The following CDH23 variants were observed in gnomAD, a reference collection of about 807,000 sequenced individuals.
The protein encoded by CDH23 is cadherin related 23.
In CDH23, 189 loss-of-function variants were observed where a neutral mutation model predicts 317.1. That is an observed-to-expected ratio of 0.60 (90% CI 0.53 to 0.67). The LOEUF is 0.67. Among genes scored for constraint, CDH23 ranks in the 30% least tolerant of loss-of-function variants. CDH23 has a pLI of 0.00. For synonymous variants in CDH23, 1,839 were observed against 1,876.8 expected, an observed-to-expected ratio of 0.98 and a Z score of 0.52; for missense variants, 4,401 against 4,592.4, an observed-to-expected ratio of 0.96 and a Z score of 1.20.
intron 6 of CDH23, among the ~76,000 whole-genome samples, chr10:71,557,825 T>A (rs930070855): frequency 6.6e-6 from 1 of 152,180 alleles, no homozygotes; most frequent in Non-Finnish European, 1.5e-5. Context: ...CAGGATTTTT[T>A]AAAAATAATC....
chr10:71,583,963 G>T (rs12268520), intron 9 of CDH23, among the ~76,000 whole-genome samples: 10 of 151,910 alleles, frequency 6.6e-5, no homozygotes, highest in African/African-American at 1.4e-4. Context: ...CCCCAGAGCA[G>T]CAGCATCAGC....
chr10:71,813,130 C>A, intron 68 of CDH23, 114 bp from the exon 69 acceptor site: 1 of 1,170,322 alleles, frequency 8.5e-7, no homozygotes, highest in Non-Finnish European at 1.2e-6. Context: ...GATCCTCTGC[C>A]CTAGGATCAC....
intron 41 of CDH23, among the ~76,000 whole-genome samples, chr10:71,781,303 C>T (rs948509350): frequency 2.6e-5 from 4 of 152,214 alleles, no homozygotes; most frequent in African/African-American, 7.2e-5. Flanking sequence ...TCACTCTGTT[C>T]GGACATGCTA....
intron 1 of CDH23, among the ~76,000 whole-genome samples, chr10:71,415,858 C>G (rs893829659): frequency 1.3e-5 from 2 of 152,152 alleles, no homozygotes; most frequent in African/African-American, 2.4e-5. Flanking sequence ...AAAGAATATA[C>G]TTTTACTGAT....
intron 18 of CDH23, among the ~76,000 whole-genome samples, chr10:71,683,711 C>T (rs1864752232): frequency 6.6e-6 from 1 of 152,158 alleles, no homozygotes; most frequent in South Asian, 2.1e-4. Flanking sequence ...AGAGTTGGGG[C>T]CTGGCTTCTG....
At chr10:71,785,564 C>A in intron 43 of CDH23, 67 bp from the exon 44 acceptor site, 2 of 1,054,558 alleles carry the variant, frequency 1.9e-6, no homozygotes, top group Non-Finnish European at 2.9e-6. Context: ...GAGCAGTTGG[C>A]ATCTGTGGGC....
Position 71,687,687 on chromosome 10 carries a change from AC to A in CDH23, c.2028del (p.Phe677SerfsTer17). ...DNPPTFSKPA[Y>X]FVSVVENIMA... ...CCTCCCACCTTCAGCAAGCCCGCCT[AC>A]TTCGTCTCCGTGGTGGAGAACATCA... On this transcript the variant is annotated frameshift_variant, in exon 19 of 70. Coordinates refer to ENST00000224721, the MANE Select transcript of CDH23 (RefSeq NM_022124.6). LOFTEE classifies it high-confidence loss of function. The A allele has an allele frequency of 6.2e-7, 1 of 1,613,718 alleles. No individual in the cohort carries two copies. Among genetic ancestry groups the A allele is most frequent in the African/African-American group, 1.3e-5 (1 of 74,996 alleles).
At chr10:71,764,876 G>A (rs1272653483) in intron 38 of CDH23, among the ~76,000 whole-genome samples, 2 of 152,214 alleles carry the variant, frequency 1.3e-5, no homozygotes, top group African/African-American at 4.8e-5. Context: ...AAGCCTGGCA[G>A]TGCAGGGACT....
chr10:71,459,326 G>A (rs115868595), intron 3 of CDH23, among the ~76,000 whole-genome samples: 2,653 of 151,890 alleles, frequency 0.017, 79 homozygotes, highest in African/African-American at 0.06. Flanking sequence ...AATCCTGAGC[G>A]CAAGCAGTCC....
chr10:71,761,215 C>T (rs1381655468), intron 38 of CDH23, among the ~76,000 whole-genome samples: 1 of 152,198 alleles, frequency 6.6e-6, no homozygotes, highest in East Asian at 1.9e-4. Flanking sequence ...CACACACACG[C>T]ATATATTCTC....
intron 6 of CDH23, among the ~76,000 whole-genome samples, chr10:71,545,077 A>T (rs2132297693): frequency 6.6e-6 from 1 of 152,346 alleles, no homozygotes; most frequent in East Asian, 1.9e-4. Context: ...AGGGATTCGC[A>T]TCCACTAAAC....
At chr10:71,730,161 T>C (rs1288025988) in intron 30 of CDH23, among the ~76,000 whole-genome samples, 2 of 152,128 alleles carry the variant, frequency 1.3e-5, no homozygotes, top group African/African-American at 4.8e-5. Flanking sequence ...ATATTACCAC[T>C]TTATAGCTGG....
chr10:71,683,202 C>T (rs1160432049), intron 18 of CDH23, among the ~76,000 whole-genome samples: 2 of 152,246 alleles, frequency 1.3e-5, no homozygotes, highest in African/African-American at 4.8e-5. Flanking sequence ...CAATGGGCCC[C>T]TCCGCATGGA....
At chr10:71,781,460 G>T (rs1364457396) in intron 41 of CDH23, among the ~76,000 whole-genome samples, 1 of 152,198 alleles carries the variant, frequency 6.6e-6, no homozygotes, top group Non-Finnish European at 1.5e-5. Context: ...ACAGGAGGAT[G>T]CCGGCACCTG....
Position 71,566,898 on chromosome 10 carries a change from G to C in CDH23, c.586G>C (p.Glu196Gln), listed in dbSNP as rs753985914. ...IVTVIRELDY[E>Q]TTQAYQLTVN... ...CACAGTGATCCGGGAGCTGGACTAC[G>C]AGACCACACAGGCCTACCAGCTCAC... Residue 196 changes from glutamate (E) to glutamine (Q), a missense_variant, in exon 7 of 70, where the codon GAG becomes CAG. Coordinates refer to ENST00000224721, the MANE Select transcript of CDH23 (RefSeq NM_022124.6). 2 of 1,613,628 alleles carry C rather than the reference G, an allele frequency of 1.2e-6. No individual in the cohort carries two copies. Among genetic ancestry groups the C allele is most frequent in the Admixed American group, 3.3e-5 (2 of 60,010 alleles).
At position 71,599,511 on chromosome 10, in the gene CDH23, A is replaced by C. The variant is rs961102248; in HGVS notation, c.833-15993A>C. On this transcript the variant is annotated intron_variant, in intron 9 of 69. Transcript: ENST00000224721. ...ATGAACTGGGATTTCCTCTGTTAAC[A>C]CCGTGAAAAATTGGTAGTGTTGTGG... Among the ~76,000 whole-genome samples the C allele has an allele frequency of 4.1e-4, 62 of 152,164 alleles. 1 individual carries two copies. Among genetic ancestry groups the C allele is most frequent in the Admixed American group, 2.0e-4 (3 of 15,276 alleles).
At chr10:71,639,810 T>C (rs1445421050) in intron 11 of CDH23, among the ~76,000 whole-genome samples, 2 of 151,948 alleles carry the variant, frequency 1.3e-5, no homozygotes, top group Admixed American at 1.3e-4. Context: ...TCAGTAGGGG[T>C]TTTGCACCAA....
chr10:71,464,003 A>C (rs1039435175), intron 3 of CDH23, among the ~76,000 whole-genome samples: 1 of 152,236 alleles, frequency 6.6e-6, no homozygotes, highest in Non-Finnish European at 1.5e-5. Context: ...TTTAATCCTT[A>C]TGACAACCTG....
intron 9 of CDH23, among the ~76,000 whole-genome samples, chr10:71,609,746 G>A (rs776294506): frequency 3.3e-5 from 5 of 152,144 alleles, no homozygotes; most frequent in Non-Finnish European, 7.3e-5. Context: ...CGCCTGGTGC[G>A]CTTTTTCCCA....
Sources: allele counts gnomAD v4.1 joint callset (sites outside exome capture counted in the v4.1 genomes callset), GRCh38; gene constraint gnomAD v4.1.1; transcripts MANE v1.5; gene names NCBI Gene and HGNC (gene_info 2026-07-23, HGNC 2026-07-21).